The following GPC6 variants were observed in gnomAD, a reference collection of about 807,000 sequenced individuals.
GPC6 encodes the protein glypican 6, also known as glypican-6.
In GPC6, 14 loss-of-function variants were observed where a neutral mutation model predicts 55.2. That is an observed-to-expected ratio of 0.25 (90% confidence interval 0.17 to 0.40). The LOEUF is 0.40. GPC6 is among the 10% of genes least tolerant of loss of function. The pLI, the probability that GPC6 is intolerant of heterozygous loss-of-function variation, is 1.00. For missense variants in GPC6, 641 were observed against 708.5 expected (o/e 0.90, Z 1.08); for synonymous variants, 278 against 259.6 (o/e 1.07, Z -0.68).
chr13:94,402,112 C>T (rs1245048332), intron 8 of GPC6, among the ~76,000 whole-genome samples: 2 of 152,194 alleles, frequency 1.3e-5, no homozygotes, highest in Non-Finnish European at 2.9e-5. Flanking sequence ...GGACAGAGTC[C>T]AGCCTTGCTC....
intron 2 of GPC6, among the ~76,000 whole-genome samples, chr13:93,828,682 G>A (rs1887364843): frequency 6.6e-6 from 1 of 152,032 alleles, no homozygotes; most frequent in Non-Finnish European, 1.5e-5. Flanking sequence ...CACAGTTTTT[G>A]CTGCCACTGT....
At chr13:94,135,871 G>T (rs1267965471) in intron 4 of GPC6, among the ~76,000 whole-genome samples, 1 of 152,118 alleles carries the variant, frequency 6.6e-6, no homozygotes, top group Admixed American at 6.5e-5. Context: ...AGGAGCTTAG[G>T]GCCCTCAGAA....
intron 2 of GPC6, among the ~76,000 whole-genome samples, chr13:93,630,650 A>G (rs1054938618): frequency 6.6e-6 from 1 of 152,194 alleles, no homozygotes; most frequent in Non-Finnish European, 1.5e-5. Context: ...TTGTCCATAT[A>G]ATTAGAAAGA....
At chr13:94,141,168 G>A (rs940223176) in intron 4 of GPC6, among the ~76,000 whole-genome samples, 1 of 152,086 alleles carries the variant, frequency 6.6e-6, no homozygotes, top group Admixed American at 6.6e-5. Context: ...TGCAGGCAAA[G>A]ATATAAATCA....
chr13:94,038,647 G>C (rs1171383953), intron 4 of GPC6, among the ~76,000 whole-genome samples: 1 of 151,842 alleles, frequency 6.6e-6, no homozygotes, highest in Admixed American at 6.6e-5. Context: ...GTACCTCTTA[G>C]CATTGTGAGG....
At chr13:94,056,719 A>G (rs1054404457) in intron 4 of GPC6, among the ~76,000 whole-genome samples, 1 of 151,590 alleles carries the variant, frequency 6.6e-6, no homozygotes, top group Non-Finnish European at 1.5e-5. Context: ...GATACTAATG[A>G]TCAATAATGG....
At chr13:94,277,773 C>A (rs1195055085) in intron 4 of GPC6, among the ~76,000 whole-genome samples, 1 of 152,124 alleles carries the variant, frequency 6.6e-6, no homozygotes, top group East Asian at 1.9e-4. Context: ...GGTCTCTGTT[C>A]TGTTCCATTG....
At chr13:94,043,826 T>G (rs1369565351) in intron 4 of GPC6, among the ~76,000 whole-genome samples, 1 of 151,848 alleles carries the variant, frequency 6.6e-6, no homozygotes. Flanking sequence ...TATTTTGCCT[T>G]TAGGTTTGTG....
intron 1 of GPC6, among the ~76,000 whole-genome samples, chr13:93,355,795 G>C (rs2139170502): frequency 6.6e-6 from 1 of 152,262 alleles, no homozygotes. Context: ...TCTGGGGCAG[G>C]GTGGTGCTGC....
At chr13:94,402,498 C>G (rs1188641445) in intron 8 of GPC6, among the ~76,000 whole-genome samples, 1 of 152,188 alleles carries the variant, frequency 6.6e-6, no homozygotes, top group African/African-American at 2.4e-5. Flanking sequence ...CTATTAAAAA[C>G]AATCCTGTTG....
At chr13:94,190,907 G>A (rs898977688) in intron 4 of GPC6, among the ~76,000 whole-genome samples, 1 of 151,992 alleles carries the variant, frequency 6.6e-6, no homozygotes, top group Admixed American at 6.6e-5. Flanking sequence ...GTATATAAGT[G>A]GTACATATTA....
chr13:93,362,727 G>A (rs1387891750), intron 1 of GPC6, among the ~76,000 whole-genome samples: 3 of 152,108 alleles, frequency 2.0e-5, no homozygotes, highest in Admixed American at 6.6e-5. Context: ...TCTTACATAG[G>A]AAAAGTCATT....
At chr13:94,337,124 A>G (rs1223075351) in intron 6 of GPC6, among the ~76,000 whole-genome samples, 1 of 152,164 alleles carries the variant, frequency 6.6e-6, no homozygotes, top group African/African-American at 2.4e-5. Flanking sequence ...TGAGCCTTTG[A>G]ACCAACACAT....
intron 1 of GPC6, among the ~76,000 whole-genome samples, chr13:93,458,045 G>T (rs866037361): frequency 4.6e-5 from 7 of 152,152 alleles, no homozygotes; most frequent in African/African-American, 1.7e-4. Context: ...ATATTGTGGG[G>T]AGTATTTGTT....
chr13:94,227,349 C>T (rs1379733391), intron 4 of GPC6, among the ~76,000 whole-genome samples: 1 of 152,104 alleles, frequency 6.6e-6, no homozygotes, highest in Non-Finnish European at 1.5e-5. Flanking sequence ...GGAAAAAAAT[C>T]ACTTAAAAAA....
At chr13:93,437,486 A>G (rs1031161371) in intron 1 of GPC6, among the ~76,000 whole-genome samples, 1 of 152,224 alleles carries the variant, frequency 6.6e-6, no homozygotes, top group African/African-American at 2.4e-5. Context: ...AGAAAGTGAA[A>G]CAGCCTTATT....
At chr13:93,372,153 A>C (rs1332371650) in intron 1 of GPC6, among the ~76,000 whole-genome samples, 1 of 152,158 alleles carries the variant, frequency 6.6e-6, no homozygotes, top group African/African-American at 2.4e-5. Context: ...TGCCTGTTAT[A>C]CACAAGAGGC....
chr13:93,513,892 TTTC>T (rs1166067404), intron 1 of GPC6, among the ~76,000 whole-genome samples: 4 of 148,924 alleles, frequency 2.7e-5, no homozygotes, highest in Non-Finnish European at 4.5e-5. Flanking sequence ...TTTTTTTTTT[TTTC>T]GGTGTTTCAC....
intron 1 of GPC6, among the ~76,000 whole-genome samples, chr13:93,300,647 CAAAA>C (rs11386516): frequency 1.0e-5 from 1 of 99,494 alleles, no homozygotes; most frequent in Non-Finnish European, 2.1e-5. Context: ...GACTCTGTCT[CAAAA>C]AAAAAAAAAA....
Sources: gnomAD v4.1 joint callset for allele counts (sites outside exome capture counted in the v4.1 genomes callset) on GRCh38, gnomAD v4.1.1 for gene constraint, MANE v1.5 for transcripts, NCBI Gene and HGNC (gene_info 2026-07-23, HGNC 2026-07-21) for gene names.